Variants in CD80 observed in about 807,000 individuals in gnomAD.
CD80 encodes T-lymphocyte activation antigen CD80.
CD80 carries 13 observed loss-of-function variants against 27.1 expected under a neutral mutation model. The ratio of observed to expected loss-of-function variants is 0.48; its 90% confidence interval spans 0.31 to 0.76. The LOEUF (loss-of-function observed/expected upper bound fraction) is 0.76, where lower values mean the gene tolerates loss of function less well. Ranked by LOEUF, CD80 falls within the 30% of genes least tolerant of loss-of-function variation. The pLI is 0.04. For synonymous variants in CD80, 125 were observed against 125.5 expected, an observed-to-expected ratio of 1.00 and a Z score of 0.03; for missense variants, 277 against 347.9, an observed-to-expected ratio of 0.80 and a Z score of 1.62.
At chr3:119,543,819 T>C (rs1328252370) in intron 3 of CD80, among the ~76,000 whole-genome samples, 1 of 151,914 alleles carries the variant, frequency 6.6e-6, no homozygotes, top group African/African-American at 2.4e-5. Context: ...TATTAGAATA[T>C]AATAGTAAGA....
At chr3:119,552,194 T>C (rs1448163504) in intron 2 of CD80, among the ~76,000 whole-genome samples, 3 of 151,932 alleles carry the variant, frequency 2.0e-5, no homozygotes, top group Non-Finnish European at 2.9e-5. Flanking sequence ...TTTAGACAAA[T>C]AATGGACCTC....
intron 2 of CD80, among the ~76,000 whole-genome samples, chr3:119,545,654 T>C (rs901636886): frequency 6.6e-6 from 1 of 152,198 alleles, no homozygotes; most frequent in Admixed American, 6.5e-5. Flanking sequence ...CAAGGTTCAT[T>C]CACGTTGTAG....
At chr3:119,531,958 C>T (rs1177797357) in intron 4 of CD80, among the ~76,000 whole-genome samples, 1 of 152,188 alleles carries the variant, frequency 6.6e-6, no homozygotes, top group Non-Finnish European at 1.5e-5. Flanking sequence ...GCCACTGCGC[C>T]TGGCCTAGTT....
At chr3:119,533,742 A>G (rs1273093824) in intron 4 of CD80, among the ~76,000 whole-genome samples, 6 of 151,802 alleles carry the variant, frequency 4.0e-5, no homozygotes, top group African/African-American at 1.5e-4. Flanking sequence ...GTCTAATTAA[A>G]CCTCTTTATT....
intron 1 of CD80, among the ~76,000 whole-genome samples, chr3:119,558,660 G>A (rs953642024): frequency 6.6e-6 from 1 of 151,940 alleles, no homozygotes; most frequent in Non-Finnish European, 1.5e-5. Flanking sequence ...CCACTTGGGA[G>A]GCTGAGGCAC....
At chr3:119,539,928 A>C (rs2082158209) in intron 3 of CD80, among the ~76,000 whole-genome samples, 1 of 152,190 alleles carries the variant, frequency 6.6e-6, no homozygotes, top group South Asian at 2.1e-4. Context: ...GTAAGAATTA[A>C]ATGACATCGT....
chr3:119,553,152 T>C (rs989662043), intron 2 of CD80, among the ~76,000 whole-genome samples: 8 of 129,964 alleles, frequency 6.2e-5, no homozygotes, highest in Admixed American at 3.3e-4. Flanking sequence ...TATTTATTTA[T>C]TTACTGAGGC....
intron 2 of CD80, among the ~76,000 whole-genome samples, chr3:119,552,702 A>G (rs1300133865): frequency 1.3e-5 from 2 of 152,074 alleles, no homozygotes; most frequent in Non-Finnish European, 2.9e-5. Flanking sequence ...TCAATCTACA[A>G]CAGAATATTA....
intron 5 of CD80, 106 bp from the exon 6 acceptor site, chr3:119,527,947 A>C: frequency 1.0e-6 from 1 of 958,488 alleles, no homozygotes; most frequent in South Asian, 1.4e-5. Context: ...TTAGAACTGG[A>C]GCAGTTGTTC....
At chr3:119,551,237 T>G (rs1203747765) in intron 2 of CD80, among the ~76,000 whole-genome samples, 3 of 152,216 alleles carry the variant, frequency 2.0e-5, no homozygotes, top group Non-Finnish European at 2.9e-5. Context: ...TTGAGCAAGC[T>G]GGGTAACCTC....
At chr3:119,554,365 A>G (rs2082251384) in intron 2 of CD80, among the ~76,000 whole-genome samples, 3 of 152,124 alleles carry the variant, frequency 2.0e-5, no homozygotes, top group Admixed American at 2.0e-4. Flanking sequence ...CTCCTACAGG[A>G]GGCCTTTCCC....
rs1335633413 is a variant in CD80, at chr3:119,544,616, C to A, written c.352G>T (p.Val118Phe). The change falls in exon 3 of 7, where the codon GTT (valine) becomes TTT (phenylalanine). Residue 118 changes from valine (V) to phenylalanine (F), a missense_variant. By Grantham distance (50) the Val-to-Phe change is conservative. Coordinates refer to ENST00000264246, the MANE Select transcript of CD80 (RefSeq NM_005191.4). ...PSDEGTYECV[V>F]LKYEKDAFKR... is the part of the protein sequence containing the mutation. ...AAAGCGTCTTTTTCATACTTCAGAACAACACACTCGTATGTGCCCTCGTCA... is the reference window on the plus strand; with the variant it reads ...AAAGCGTCTTTTTCATACTTCAGAAAAACACACTCGTATGTGCCCTCGTCA... 1.2e-6 allele frequency: 2 copies of A among 1,614,108 alleles called. No homozygotes were observed. Among genetic ancestry groups the A allele is most frequent in the Admixed American group, 1.7e-5 (1 of 60,006 alleles).
At position 119,544,790 on chromosome 3, in the gene CD80, C is replaced by T. The variant is rs1390128025; in HGVS notation, c.178G>A (p.Ala60Thr). The change falls in exon 3 of 7, where the codon GCA (alanine) becomes ACA (threonine). Residue 60 changes from alanine (A) to threonine (T), a missense_variant. Transcript: ENST00000264246. Reference sequence around the variant, plus strand: ...TTTTGCCAGTAGATGCGAGTTTGTGCCAGCTCTTCAACAGAAACATTGTGA... The same window carrying T: ...TTTTGCCAGTAGATGCGAGTTTGTGTCAGCTCTTCAACAGAAACATTGTGA... ...CGHNVSVEEL[A>T]QTRIYWQKEK... 6.2e-7 allele frequency: 1 copy of T among 1,614,144 alleles called. No individual in the cohort carries two copies. The highest frequency in any genetic ancestry group is 1.3e-5 in the African/African-American group (1 of 75,026).
intron 6 of CD80, 83 bp downstream of exon 6, chr3:119,527,650 G>A: frequency 3.9e-6 from 3 of 778,572 alleles, no homozygotes; most frequent in Non-Finnish European, 6.5e-6. Flanking sequence ...GAGGTAGTGG[G>A]TAAAACAGCT....
chr3:119,531,193 ACT>A (rs2082108110), intron 4 of CD80, among the ~76,000 whole-genome samples: 1 of 152,124 alleles, frequency 6.6e-6, no homozygotes, highest in Admixed American at 6.5e-5. Context: ...TTGATTCAAG[ACT>A]CTTCCCACAC....
At chr3:119,551,060 G>T (rs764180170) in intron 2 of CD80, among the ~76,000 whole-genome samples, 2 of 152,134 alleles carry the variant, frequency 1.3e-5, no homozygotes, top group Non-Finnish European at 2.9e-5. Flanking sequence ...ACATAATTAC[G>T]TATGGAGCTA....
chr3:119,544,275 C>G lies in CD80; in HGVS notation c.418+275G>C, dbSNP rs377493080. The stretch of plus-strand genomic sequence containing the variant: ...AGGCTACATCAAATCAAAGATGCCC[C>G]TTGGTGATTGAGAGGCTCTTTAGGT... On this transcript the variant is annotated intron_variant, in intron 3 of 6. Coordinates refer to ENST00000264246, the MANE Select transcript of CD80 (RefSeq NM_005191.4). 48 of 443,708 alleles carry G rather than the reference C, an allele frequency of 1.1e-4. No homozygotes were observed. The East Asian group carries it at 1.9e-3, about 17-fold the overall frequency. The allele number at this position is 443,708 out of a possible 1,614,324, so 27.5% of individuals were successfully genotyped here. A position where few individuals can be genotyped will look rare whatever the true frequency, so the allele number is the denominator to read the frequency against.
chr3:119,537,000 T>A, intron 4 of CD80, 137 bp downstream of exon 4: 2 of 834,054 alleles, frequency 2.4e-6, no homozygotes, highest in Non-Finnish European at 3.9e-6. Flanking sequence ...TTTATGTAAA[T>A]ACACTCTGAT....
At chr3:119,525,818 T>G (rs1466540904) in intron 6 of CD80, 69 bp from the exon 7 acceptor site, 1 of 148,892 alleles carries the variant, frequency 6.7e-6, no homozygotes, top group East Asian at 1.9e-4. Flanking sequence ...TTAAATTTAT[T>G]TATATATTAA....
Sources: allele counts gnomAD v4.1 joint callset (sites outside exome capture counted in the v4.1 genomes callset), GRCh38; gene constraint gnomAD v4.1.1; transcripts MANE v1.5; gene names NCBI Gene and HGNC (gene_info 2026-07-23, HGNC 2026-07-21).